GNPAT: variants seen among roughly 807,000 people sequenced by gnomAD.
GNPAT encodes dihydroxyacetone phosphate acyltransferase.
In GNPAT, 30 loss-of-function variants were observed where a neutral mutation model predicts 78.4. That is an observed-to-expected ratio of 0.38 (90% confidence interval 0.29 to 0.52). The LOEUF (loss-of-function observed/expected upper bound fraction) is 0.52, where lower values mean the gene tolerates loss of function less well. Ranked by LOEUF, GNPAT falls within the 20% of genes least tolerant of loss-of-function variation. GNPAT has a pLI of 0.84. For synonymous variants in GNPAT, 271 were observed against 281.1 expected, an observed-to-expected ratio of 0.96 and a Z score of 0.36; for missense variants, 714 against 812.2, an observed-to-expected ratio of 0.88 and a Z score of 1.47.
chr1:231,252,665 A>G (rs1485808718), intron 2 of GNPAT, among the ~76,000 whole-genome samples: 2 of 151,034 alleles, frequency 1.3e-5, no homozygotes, highest in African/African-American at 2.4e-5. Flanking sequence ...AGAAGAGAAA[A>G]TATTCTTAAG....
chr1:231,243,846 G>A (rs1684681135), intron 1 of GNPAT, among the ~76,000 whole-genome samples: 1 of 152,010 alleles, frequency 6.6e-6, no homozygotes, highest in Non-Finnish European at 1.5e-5. Context: ...CTTTATGGGA[G>A]ATTTTAATCT....
chr1:231,241,643 G>A (rs143223242), intron 1 of GNPAT, among the ~76,000 whole-genome samples, 187 bp downstream of exon 1: 23 of 152,234 alleles, frequency 1.5e-4, no homozygotes, highest in Non-Finnish European at 3.4e-4. Context: ...GTGTGTGCAT[G>A]CTTTTGGAAG....
At chr1:231,250,109 T>TA (rs1219020726) in intron 1 of GNPAT, among the ~76,000 whole-genome samples, 1 of 135,692 alleles carries the variant, frequency 7.4e-6, no homozygotes, top group Admixed American at 7.5e-5. Flanking sequence ...TTATTATTAT[T>TA]TTATTTTGTA....
At chr1:231,241,562 C>G in intron 1 of GNPAT, 106 bp downstream of exon 1, 3 of 832,616 alleles carry the variant, frequency 3.6e-6, no homozygotes, top group Non-Finnish European at 6.2e-6. Flanking sequence ...AAAGAGCTGG[C>G]CCCTAGGCTC....
At chr1:231,260,967 G>C (rs923892440) in intron 3 of GNPAT, among the ~76,000 whole-genome samples, 1 of 152,180 alleles carries the variant, frequency 6.6e-6, no homozygotes, top group Admixed American at 6.5e-5. Context: ...CTTAATGCCA[G>C]ATATTCAGTA....
At position 231,260,492 on chromosome 1, in the gene GNPAT, T is replaced by A. The variant is rs1279088547; in HGVS notation, c.262-15T>A. 3 of 1,585,242 alleles carry A rather than the reference T, an allele frequency of 1.9e-6. No homozygotes were observed. The South Asian group carries it at 3.3e-5, about 18-fold the overall frequency. ...TTGTTGTTAGAAATTATTCCTGCTT[T>A]TCCTTTCCTTTTAGCTTTCCAAGGA... On this transcript the variant is annotated splice_polypyrimidine_tract_variant and intron_variant, in intron 2 of 15. Transcript: ENST00000366647.
At chr1:231,267,949 A>C (rs1294128384) in intron 9 of GNPAT, 46 bp downstream of exon 9, 2 of 1,190,038 alleles carry the variant, frequency 1.7e-6, no homozygotes, top group East Asian at 2.3e-5. Context: ...CTTAATTTGG[A>C]AGAGTTAAAA....
At chr1:231,275,595 G>A (rs912625562) in intron 14 of GNPAT, 97 bp downstream of exon 14, 14 of 783,118 alleles carry the variant, frequency 1.8e-5, no homozygotes, top group Non-Finnish European at 3.2e-5. Context: ...GGATGATCTA[G>A]GAAATGCTAT....
At chr1:231,276,506 C>T (rs1685720992) in intron 15 of GNPAT, among the ~76,000 whole-genome samples, 1 of 152,266 alleles carries the variant, frequency 6.6e-6, no homozygotes, top group Non-Finnish European at 1.5e-5. Flanking sequence ...AGTACCTCAT[C>T]TCCACTCTTT....
chr1:231,243,757 CAAAGT>C (rs1171969459), intron 1 of GNPAT, among the ~76,000 whole-genome samples: 1 of 152,096 alleles, frequency 6.6e-6, no homozygotes, highest in Non-Finnish European at 1.5e-5. Flanking sequence ...ACATGAGAAA[CAAAGT>C]AAGGAAGTAG....
intron 10 of GNPAT, among the ~76,000 whole-genome samples, chr1:231,271,242 A>G (rs913207499): frequency 2.6e-5 from 4 of 152,206 alleles, no homozygotes; most frequent in African/African-American, 9.7e-5. Flanking sequence ...GAGGCCTAGA[A>G]AGTTGCATAA....
intron 12 of GNPAT, among the ~76,000 whole-genome samples, chr1:231,274,334 A>G (rs1440631994): frequency 6.6e-6 from 1 of 152,186 alleles, no homozygotes; most frequent in Non-Finnish European, 1.5e-5. Context: ...AGTTACACCC[A>G]CGCATCATCT....
At chr1:231,265,142 C>T (rs1685339175) in intron 4 of GNPAT, 151 bp from the exon 5 acceptor site, 3 of 656,456 alleles carry the variant, frequency 4.6e-6, no homozygotes, top group South Asian at 3.5e-5. Context: ...TGCTTGAGGC[C>T]AGGAAGTTTG....
Position 231,243,113 on chromosome 1 carries a change from T to C in GNPAT, c.78+1657T>C, listed in dbSNP as rs149541594. Among the ~76,000 whole-genome samples the C allele has an allele frequency of 1.0e-3, 158 of 152,318 alleles. 1 individual carries two copies. Among genetic ancestry groups the C allele is most frequent in the African/African-American group, 3.6e-3 (151 of 41,562 alleles). On this transcript the variant is annotated intron_variant, in intron 1 of 15. Coordinates refer to ENST00000366647, the MANE Select transcript of GNPAT (RefSeq NM_014236.4). ...CTCATTATTCTCAGTTTCCAAGATA[T>C]AGAAGTTACAGATGCAGGCTCTGCC...
At position 231,267,684 on chromosome 1, in the gene GNPAT, A is replaced by G. The variant is rs776984409; in HGVS notation, c.1060A>G (p.Ile354Val). ...RSSYNLVPRY[I>V]PQKQSEDMHA... ...GCTCTGTGCTCTTCCTTTTAGATACATTCCTCAGAAACAGTCTGAGGACAT... is the reference window on the plus strand; with the variant it reads ...GCTCTGTGCTCTTCCTTTTAGATACGTTCCTCAGAAACAGTCTGAGGACAT... Residue 354 changes from isoleucine to valine, a missense_variant, in exon 9 of 16, where the codon ATT (isoleucine) becomes GTT (valine). Ile to Val is a conservative substitution (Grantham distance 29, BLOSUM62 3). Transcript: ENST00000366647. The G allele has an allele frequency of 2.4e-5, 38 of 1,551,132 alleles. No individual in the cohort carries two copies. Among genetic ancestry groups the G allele is most frequent in the Non-Finnish European group, 3.4e-5 (38 of 1,122,572 alleles).
intron 15 of GNPAT, 57 bp from the exon 16 acceptor site, chr1:231,277,442 A>G: frequency 2.9e-6 from 3 of 1,031,542 alleles, no homozygotes; most frequent in Middle Eastern, 2.4e-4. Flanking sequence ...GAACAGCTGT[A>G]TGAGGAAGGG....
intron 4 of GNPAT, 64 bp from the exon 5 acceptor site, chr1:231,265,225 ATGTT>A (rs1462828066): frequency 3.7e-6 from 4 of 1,081,958 alleles, no homozygotes; most frequent in Non-Finnish European, 5.7e-6. Context: ...AAAAATAAGC[ATGTT>A]TAAGTTTAGA....
At chr1:231,243,516 G>A (rs542165538) in intron 1 of GNPAT, among the ~76,000 whole-genome samples, 3 of 152,078 alleles carry the variant, frequency 2.0e-5, no homozygotes, top group Non-Finnish European at 2.9e-5. Context: ...TAAAGACAAG[G>A]TCTCACCGTG....
chr1:231,272,598 A>G (rs533730405), intron 11 of GNPAT, among the ~76,000 whole-genome samples: 1 of 152,346 alleles, frequency 6.6e-6, no homozygotes, highest in African/African-American at 2.4e-5. Context: ...TAGGGATTAT[A>G]TGGTGAGAGG....
Sources: gnomAD v4.1 joint callset for allele counts (sites outside exome capture counted in the v4.1 genomes callset) on GRCh38, gnomAD v4.1.1 for gene constraint, MANE v1.5 for transcripts, NCBI Gene and HGNC (gene_info 2026-07-23, HGNC 2026-07-21) for gene names.